ADGRL2: variants seen among roughly 807,000 people sequenced by gnomAD.
The protein encoded by ADGRL2 is calcium-independent alpha-latrotoxin receptor 2.
ADGRL2 carries 44 observed loss-of-function variants against 157.4 expected under a neutral mutation model. The observed-to-expected ratio is 0.28, with a 90% CI of 0.22 to 0.36. The LOEUF (loss-of-function observed/expected upper bound fraction) is 0.36, where lower values mean the gene tolerates loss of function less well. ADGRL2 is among the 10% of genes least tolerant of loss of function. The pLI, the probability that ADGRL2 is intolerant of heterozygous loss-of-function variation, is 1.00. For synonymous variants in ADGRL2, 585 were observed against 624.7 expected (o/e 0.94, Z 0.95); for missense variants, 1,510 against 1,768.9 (o/e 0.85, Z 2.63).
At chr1:81,663,108 G>T (rs2082689749) in intron 3 of ADGRL2, among the ~76,000 whole-genome samples, 1 of 121,274 alleles carries the variant, frequency 8.2e-6, no homozygotes, top group East Asian at 2.9e-4. Context: ...AAGGAGCACA[G>T]GGAGGGACTC....
rs571862965 is a variant in ADGRL2, at chr1:81,393,314, A to T, written c.-301-51722A>T. Reference sequence around the variant, plus strand: ...TGAGATTGGTGAATAGAGCCTGGTTATGTAGAAGATTCAGATAACACACAA... The same window carrying T: ...TGAGATTGGTGAATAGAGCCTGGTTTTGTAGAAGATTCAGATAACACACAA... On this transcript the variant is annotated intron_variant, in intron 1 of 24. Coordinates refer to the ADGRL2 transcript ENST00000370721. Among the ~76,000 whole-genome samples the T allele has an allele frequency of 1.5e-4, 22 of 151,036 alleles. 2 individuals carry two copies. In the South Asian group the frequency reaches 4.6e-3, roughly 32 times the overall value.
chr1:81,721,499 T>C (rs2084318266), intron 1 of ADGRL2, among the ~76,000 whole-genome samples: 1 of 152,200 alleles, frequency 6.6e-6, no homozygotes. Context: ...CTCACGCTTG[T>C]AATCACAGCA....
Position 81,955,880 on chromosome 1 carries a change from A to G in ADGRL2, c.1837A>G (p.Ile613Val), listed in dbSNP as rs1310513506. ...EKTCRAYLKA[I>V]VDTVDNLLRP... is the part of the protein sequence containing the mutation. ...GATAGTTTTCTAATGGATACAGGCAATTGTTGACACAGTGGACAACCTTCT... is the reference window on the plus strand; with the variant it reads ...GATAGTTTTCTAATGGATACAGGCAGTTGTTGACACAGTGGACAACCTTCT... The change falls in exon 11 of 24, where the codon ATT (isoleucine) becomes GTT (valine). Residue 613 changes from isoleucine to valine, a missense_variant. Physicochemically the swap from Ile to Val is conservative, Grantham distance 29 (BLOSUM62 3). This residue lies in a region of ADGRL2 where 325 missense variants were observed against 333.2 expected (regional missense o/e 0.98). Transcript: ENST00000686636. 5.1e-6 allele frequency: 8 copies of G among 1,572,684 alleles called. No homozygotes were observed. The highest frequency in any genetic ancestry group is 5.2e-6 in the Non-Finnish European group (6 of 1,161,934).
At chr1:81,374,773 T>A (rs1230179154) in intron 1 of ADGRL2, among the ~76,000 whole-genome samples, 1 of 152,112 alleles carries the variant, frequency 6.6e-6, no homozygotes, top group Non-Finnish European at 1.5e-5. Flanking sequence ...TCGGAACAAT[T>A]TAGGATCCTG....
chr1:81,952,853 C>A (rs1025269710), intron 9 of ADGRL2, 134 bp from the exon 10 acceptor site: 1 of 673,688 alleles, frequency 1.5e-6, no homozygotes, highest in Middle Eastern at 3.4e-4. Context: ...TCAGTGCAGA[C>A]TCAGACTCCA....
At chr1:81,737,909 C>T (rs12732930) in intron 1 of ADGRL2, among the ~76,000 whole-genome samples, 43,925 of 152,016 alleles carry the variant, frequency 0.29, 6,511 homozygotes, top group South Asian at 0.39. Context: ...CCAAGATACA[C>T]TTACCCCATA....
intron 2 of ADGRL2, among the ~76,000 whole-genome samples, chr1:81,561,744 G>A (rs1315656531): frequency 1.3e-5 from 2 of 152,076 alleles, no homozygotes; most frequent in Non-Finnish European, 2.9e-5. Flanking sequence ...ATAGGTGTGA[G>A]CCACCACTCC....
Position 81,990,697 on chromosome 1 carries a change from G to A in ADGRL2, c.3962G>A (p.Ser1321Asn), listed in dbSNP as rs139191087. The change falls in exon 24 of 24, where the codon AGC (serine) becomes AAC (asparagine). Residue 1321 changes from serine (S) to asparagine (N), a missense_variant. Physicochemically the swap from Ser to Asn is conservative, Grantham distance 46 (BLOSUM62 1). Transcript: ENST00000686636. ...IVADASSLMH[S>N]DNPGLELHHK... is the part of the protein sequence containing the mutation. ...GCAGATGCTTCATCTTTAATGCACAGCGACAACCCAGGGCTGGAGCTCCAT... is the reference window on the plus strand; with the variant it reads ...GCAGATGCTTCATCTTTAATGCACAACGACAACCCAGGGCTGGAGCTCCAT... 860 of 1,614,132 alleles carry A rather than the reference G, an allele frequency of 5.3e-4. 7 individuals are homozygous for A. In the East Asian group the frequency reaches 0.018, roughly 33 times the overall value.
At chr1:81,867,269 CTGTATATAAAG>C (rs1270307825) in intron 2 of ADGRL2, among the ~76,000 whole-genome samples, 2 of 152,142 alleles carry the variant, frequency 1.3e-5, no homozygotes, top group Non-Finnish European at 2.9e-5. Context: ...CCAAAAAAGC[CTGTATATAAAG>C]TGCTTTGCTA....
chr1:81,468,692 G>T (rs1358003458), intron 2 of ADGRL2, among the ~76,000 whole-genome samples: 5 of 152,188 alleles, frequency 3.3e-5, no homozygotes, highest in Non-Finnish European at 7.3e-5. Context: ...CACTGCATCA[G>T]ATTTTTATGC....
At chr1:81,469,471 T>G (rs1393979194) in intron 2 of ADGRL2, among the ~76,000 whole-genome samples, 1 of 152,184 alleles carries the variant, frequency 6.6e-6, no homozygotes, top group African/African-American at 2.4e-5. Flanking sequence ...CCTTTTATAC[T>G]CTTTCATCCC....
At chr1:81,504,244 C>G (rs1489213407) in intron 2 of ADGRL2, among the ~76,000 whole-genome samples, 1 of 152,116 alleles carries the variant, frequency 6.6e-6, no homozygotes, top group Non-Finnish European at 1.5e-5. Flanking sequence ...CCTGCTTTCC[C>G]AAAAACAGCC....
intron 20 of ADGRL2, 60 bp downstream of exon 20, chr1:81,984,771 A>G: frequency 2.6e-6 from 4 of 1,568,546 alleles, no homozygotes; most frequent in Non-Finnish European, 3.5e-6. Context: ...CTACTGAGAC[A>G]TGTTCTGTTC....
chr1:81,978,050 C>G (rs1660673900), intron 17 of ADGRL2, among the ~76,000 whole-genome samples: 1 of 151,018 alleles, frequency 6.6e-6, no homozygotes, highest in Non-Finnish European at 1.5e-5. Flanking sequence ...TTGAATTTTA[C>G]TAGTTAAAGC....
intron 2 of ADGRL2, among the ~76,000 whole-genome samples, chr1:81,511,493 G>T (rs2079076835): frequency 6.6e-6 from 1 of 150,988 alleles, no homozygotes; most frequent in Non-Finnish European, 1.5e-5. Flanking sequence ...CGATTAGCAA[G>T]ATTAATGATT....
intron 3 of ADGRL2, among the ~76,000 whole-genome samples, chr1:81,932,702 T>C (rs750979961): frequency 6.6e-5 from 10 of 152,024 alleles, no homozygotes; most frequent in Non-Finnish European, 1.2e-4. Context: ...TTCTTTTCTT[T>C]CTTTTTTTTT....
intron 2 of ADGRL2, among the ~76,000 whole-genome samples, chr1:81,539,689 C>T (rs1438284160): frequency 1.3e-5 from 2 of 152,130 alleles, no homozygotes; most frequent in Non-Finnish European, 2.9e-5. Context: ...AACGTAAGGA[C>T]TCTTACCACT....
At position 81,836,882 on chromosome 1, in the gene ADGRL2, C is replaced by T; in HGVS notation, c.-100-3C>T. 1.5e-6 allele frequency: 1 copy of T among 658,000 alleles called. No individual in the cohort carries two copies. The highest frequency in any genetic ancestry group is 2.6e-6 in the Non-Finnish European group (1 of 378,678). The allele number at this position is 658,000 out of a possible 1,614,324, so 40.8% of individuals were successfully genotyped here. On this transcript the variant is annotated splice_region_variant and splice_polypyrimidine_tract_variant and intron_variant, in intron 1 of 23. Transcript: ENST00000686636. Reference sequence around the variant, plus strand: ...GTAAGTGATGGATTTGTTTGTTTTTCAGATATGAAGATCAATGATGCAGAC... The same window carrying T: ...GTAAGTGATGGATTTGTTTGTTTTTTAGATATGAAGATCAATGATGCAGAC...
intron 2 of ADGRL2, among the ~76,000 whole-genome samples, chr1:81,535,856 C>T (rs1402088164): frequency 6.6e-6 from 1 of 152,058 alleles, no homozygotes; most frequent in East Asian, 1.9e-4. Context: ...AAATTAGAGG[C>T]AGGATATAAA....
Sources: gnomAD v4.1 joint callset for allele counts (sites outside exome capture counted in the v4.1 genomes callset) on GRCh38, gnomAD v4.1.1 for gene constraint, gnomAD v4.1.1 regional missense constraint, MANE v1.5 for transcripts, NCBI Gene and HGNC (gene_info 2026-07-23, HGNC 2026-07-21) for gene names.